Variants in LIMCH1 observed in about 807,000 individuals in gnomAD.
The protein encoded by LIMCH1 is LIM and calponin homology domains-containing protein 1.
A neutral mutation model predicts 176.5 loss-of-function variants in LIMCH1; 113 were observed. That is an observed-to-expected ratio of 0.64 (90% confidence interval 0.55 to 0.75). The LOEUF is 0.75. LIMCH1 is among the 30% of genes least tolerant of loss of function. LIMCH1 has a pLI of 0.00. For missense variants in LIMCH1, 1,674 were observed against 1,814.9 expected (o/e 0.92, Z 1.41); for synonymous variants, 619 against 645.9 (o/e 0.96, Z 0.63).
chr4:41,626,589 T>C, intron 7 of LIMCH1, 119 bp from the exon 8 acceptor site: 1 of 836,520 alleles, frequency 1.2e-6, no homozygotes, highest in South Asian at 1.8e-5. Flanking sequence ...ACAGATGTCA[T>C]TTGAACTAAC....
intron 18 of LIMCH1, among the ~76,000 whole-genome samples, chr4:41,652,408 G>A (rs563459647): frequency 1.4e-4 from 22 of 152,092 alleles, no homozygotes; most frequent in South Asian, 2.1e-4. Flanking sequence ...AGGCCACTGC[G>A]GAGTCTCTCC....
intron 1 of LIMCH1, among the ~76,000 whole-genome samples, chr4:41,466,240 A>G (rs2154155742): frequency 6.6e-6 from 1 of 152,340 alleles, no homozygotes; most frequent in South Asian, 2.1e-4. Context: ...TACAGGCGTG[A>G]GCCACTGCGC....
intron 4 of LIMCH1, among the ~76,000 whole-genome samples, chr4:41,608,453 C>T (rs550496710): frequency 2.6e-5 from 4 of 152,206 alleles, no homozygotes; most frequent in Non-Finnish European, 4.4e-5. Context: ...ATCTCTTCTG[C>T]ACATATGCAG....
Position 41,646,759 on chromosome 4 carries a change from A to G in LIMCH1, c.2686A>G (p.Ser896Gly), listed in dbSNP as rs183080230. ...TGTTGAAACCACCATTGCTCGTGCC[A>G]GTGTTCTGGATACCAGCATGTCAGC... ...ATVETTIARA[S>G]VLDTSMSAGS... is the part of the protein sequence containing the mutation. The change falls in exon 17 of 32, where the codon AGT becomes GGT. Residue 896 changes from serine (S) to glycine (G), a missense_variant. This residue lies in a region of LIMCH1 where 1,015 missense variants were observed against 1,102.5 expected (regional missense o/e 0.92). Transcript: ENST00000503057. The G allele has an allele frequency of 6.2e-7, 1 of 1,614,174 alleles. No individual in the cohort carries two copies. The highest frequency in any genetic ancestry group is 1.7e-5 in the Admixed American group (1 of 60,028).
At chr4:41,484,493 G>A (rs2069180606) in intron 1 of LIMCH1, among the ~76,000 whole-genome samples, 1 of 152,212 alleles carries the variant, frequency 6.6e-6, no homozygotes, top group African/African-American at 2.4e-5. Context: ...AATGTCAAAA[G>A]TAGATAAATT....
At chr4:41,572,195 A>G (rs897817280) in intron 1 of LIMCH1, among the ~76,000 whole-genome samples, 2 of 152,188 alleles carry the variant, frequency 1.3e-5, no homozygotes, top group Non-Finnish European at 2.9e-5. Flanking sequence ...ATGTAACACA[A>G]TTAACAACAT....
At chr4:41,581,965 T>C (rs1394424651) in intron 1 of LIMCH1, among the ~76,000 whole-genome samples, 1 of 152,140 alleles carries the variant, frequency 6.6e-6, no homozygotes, top group African/African-American at 2.4e-5. Context: ...ATGGCTAATA[T>C]TCCATTGTGA....
At chr4:41,489,762 A>G (rs2070406414) in intron 1 of LIMCH1, among the ~76,000 whole-genome samples, 1 of 152,070 alleles carries the variant, frequency 6.6e-6, no homozygotes, top group Admixed American at 6.5e-5. Context: ...AAAAATATAT[A>G]TATAGTTGAC....
At chr4:41,510,492 T>G (rs550374987) in intron 2 of LIMCH1, among the ~76,000 whole-genome samples, 7 of 152,326 alleles carry the variant, frequency 4.6e-5, no homozygotes, top group Non-Finnish European at 7.3e-5. Flanking sequence ...CATGATGAAG[T>G]GTGCAAAATC....
At position 41,626,599 on chromosome 4, in the gene LIMCH1, C is replaced by T. The variant is rs185410765; in HGVS notation, c.726-109C>T. 9.9e-5 allele frequency: 86 copies of T among 872,030 alleles called. No individual in the cohort carries two copies. In the African/African-American group the frequency reaches 1.4e-3, roughly 14 times the overall value. 54.0% of individuals were successfully genotyped at this position (872,030 alleles called of 1,614,324 possible). ...AATGAACAGATGTCATTTGAACTAA[C>T]AATATCGAGAAGACTTTTCACTAAC... On this transcript the variant is annotated intron_variant, in intron 7 of 31. Coordinates refer to ENST00000503057, the MANE Select transcript of LIMCH1 (RefSeq NM_001330672.2).
intron 1 of LIMCH1, among the ~76,000 whole-genome samples, chr4:41,402,119 CA>C (rs1206377963): frequency 3.9e-5 from 6 of 151,904 alleles, no homozygotes; most frequent in African/African-American, 1.5e-4. Flanking sequence ...CCAGTTTTCA[CA>C]AATTTACAAG....
intron 1 of LIMCH1, among the ~76,000 whole-genome samples, chr4:41,377,117 A>G (rs1463643579): frequency 6.6e-6 from 1 of 152,100 alleles, no homozygotes; most frequent in East Asian, 1.9e-4. Flanking sequence ...GGCAGATGGC[A>G]ATGGTATATT....
chr4:41,470,022 G>A (rs1051236650), intron 1 of LIMCH1, among the ~76,000 whole-genome samples: 1 of 152,114 alleles, frequency 6.6e-6, no homozygotes, highest in Non-Finnish European at 1.5e-5. Context: ...TCATCTTTGA[G>A]CATAATTATG....
At chr4:41,483,434 A>G (rs2068987262) in intron 1 of LIMCH1, among the ~76,000 whole-genome samples, 1 of 152,116 alleles carries the variant, frequency 6.6e-6, no homozygotes, top group South Asian at 2.1e-4. Context: ...CAACAAGCAA[A>G]ATGTCATTCT....
Position 41,467,537 on chromosome 4 carries a change from G to A in LIMCH1, c.97-26999G>A, listed in dbSNP as rs553521376. Reference sequence around the variant, plus strand: ...CCCCTTTATAAAACCATCAGATCTCGTGAGACTCATTCACTGTCAGGAGAA... The same window carrying A: ...CCCCTTTATAAAACCATCAGATCTCATGAGACTCATTCACTGTCAGGAGAA... On this transcript the variant is annotated intron_variant, in intron 1 of 26. Coordinates refer to the LIMCH1 transcript ENST00000313860. Among the ~76,000 whole-genome samples the A allele has an allele frequency of 8.5e-5, 13 of 152,252 alleles. No individual in the cohort carries two copies. The South Asian group carries it at 1.2e-3, about 15-fold the overall frequency.
intron 7 of LIMCH1, among the ~76,000 whole-genome samples, chr4:41,625,881 G>T (rs1359383856): frequency 6.6e-6 from 1 of 152,136 alleles, no homozygotes; most frequent in Non-Finnish European, 1.5e-5. Flanking sequence ...GGACTGTTTG[G>T]TTTGTCCCAA....
intron 1 of LIMCH1, among the ~76,000 whole-genome samples, chr4:41,407,296 A>G (rs1332043383): frequency 1.3e-5 from 2 of 152,136 alleles, no homozygotes; most frequent in Non-Finnish European, 2.9e-5. Flanking sequence ...TGGTGCAATC[A>G]TGGCTCACTG....
chr4:41,542,755 C>T (rs1422778604), intron 1 of LIMCH1, among the ~76,000 whole-genome samples: 2 of 152,122 alleles, frequency 1.3e-5, no homozygotes, highest in Non-Finnish European at 2.9e-5. Context: ...GGAACCTGAC[C>T]TCAGTATTTC....
chr4:41,633,657 G>T lies in LIMCH1; in HGVS notation c.1939G>T (p.Asp647Tyr), dbSNP rs1157068618. 4.6e-6 allele frequency: 7 copies of T among 1,536,034 alleles called. No individual in the cohort carries two copies. The highest frequency in any genetic ancestry group is 6.1e-6 in the Non-Finnish European group (7 of 1,146,918). Residue 647 changes from aspartate (D) to tyrosine (Y), a missense_variant, in exon 13 of 32, where the codon GAT becomes TAT. This residue lies in a region of LIMCH1 where 1,015 missense variants were observed against 1,102.5 expected (regional missense o/e 0.92). Transcript: ENST00000503057. ...TGGACTGAAAGGCCAGCGAAAGTTG[G>T]ATGATTCACGAAAAGATGACATGAT... is the stretch of plus-strand genomic sequence containing the variant. The part of the protein sequence containing the change: ...GSGLKGQRKL[D>Y]DSRKDDMMAR...
Sources: gnomAD v4.1 joint callset for allele counts (sites outside exome capture counted in the v4.1 genomes callset) on GRCh38, gnomAD v4.1.1 for gene constraint, gnomAD v4.1.1 regional missense constraint, MANE v1.5 for transcripts, NCBI Gene and HGNC (gene_info 2026-07-23, HGNC 2026-07-21) for gene names.